Variants in CPQ observed in about 807,000 individuals in gnomAD.
The protein encoded by CPQ is Ser-Met dipeptidase.
Under a neutral mutation model 45.7 loss-of-function variants are expected in CPQ, and 37 were observed. The ratio of observed to expected loss-of-function variants is 0.81; its 90% confidence interval spans 0.62 to 1.07. The LOEUF is 1.07. Ranked by LOEUF, CPQ falls within the 50% of genes least tolerant of loss-of-function variation. CPQ has a pLI of 0.00. For missense variants in CPQ, 537 were observed against 572.9 expected, an observed-to-expected ratio of 0.94 and a Z score of 0.64; for synonymous variants, 186 against 205.8, an observed-to-expected ratio of 0.90 and a Z score of 0.82.
At chr8:96,958,265 G>A (rs959630929) in intron 4 of CPQ, among the ~76,000 whole-genome samples, 1 of 152,118 alleles carries the variant, frequency 6.6e-6, no homozygotes, top group African/African-American at 2.4e-5. Context: ...TTGATTATGG[G>A]AAAGATGATC....
intron 7 of CPQ, among the ~76,000 whole-genome samples, chr8:97,103,964 G>A (rs1811358641): frequency 6.6e-6 from 1 of 152,174 alleles, no homozygotes; most frequent in South Asian, 2.1e-4. Context: ...TACCTCTAGT[G>A]AGAAACACTG....
At chr8:96,858,773 A>G (rs986374542) in intron 3 of CPQ, among the ~76,000 whole-genome samples, 2 of 152,220 alleles carry the variant, frequency 1.3e-5, no homozygotes, top group African/African-American at 4.8e-5. Context: ...AATAATATAG[A>G]TAAATGTTTT....
chr8:96,823,921 C>T (rs1811343855), intron 2 of CPQ, among the ~76,000 whole-genome samples: 1 of 151,886 alleles, frequency 6.6e-6, no homozygotes, highest in Non-Finnish European at 1.5e-5. Context: ...AACTTTTGTT[C>T]TAGGTTAAAC....
chr8:96,867,982 A>T (rs1464752446), intron 3 of CPQ, among the ~76,000 whole-genome samples: 2 of 152,040 alleles, frequency 1.3e-5, no homozygotes, highest in Non-Finnish European at 2.9e-5. Flanking sequence ...AGGGCTGTAC[A>T]TCTCAGTCCC....
intron 2 of CPQ, among the ~76,000 whole-genome samples, chr8:96,805,014 AT>A (rs1811061951): frequency 6.6e-6 from 1 of 152,304 alleles, no homozygotes; most frequent in Admixed American, 6.5e-5. Flanking sequence ...AAGAACATTT[AT>A]TAAGCACCTG....
At chr8:96,855,033 T>C (rs1811828530) in intron 3 of CPQ, among the ~76,000 whole-genome samples, 1 of 152,192 alleles carries the variant, frequency 6.6e-6, no homozygotes, top group Non-Finnish European at 1.5e-5. Context: ...CAAGGCTTGA[T>C]ATCCCAGTTT....
At chr8:96,742,890 TC>T (rs1417382482) in intron 1 of CPQ, among the ~76,000 whole-genome samples, 28 of 152,304 alleles carry the variant, frequency 1.8e-4, no homozygotes, top group Admixed American at 1.6e-3. Flanking sequence ...CCGACCTTTC[TC>T]TCTGGCTGCC....
intron 1 of CPQ, among the ~76,000 whole-genome samples, chr8:96,693,787 G>A (rs1271646342): frequency 6.6e-6 from 1 of 152,090 alleles, no homozygotes; most frequent in Admixed American, 6.6e-5. Context: ...AGGACTCAGT[G>A]GTTATAGTAA....
chr8:96,780,634 T>A (rs952516297), intron 1 of CPQ, among the ~76,000 whole-genome samples: 2 of 152,110 alleles, frequency 1.3e-5, no homozygotes, highest in African/African-American at 2.4e-5. Context: ...ATCAGGTGAA[T>A]ATTTTACACT....
chr8:96,687,543 T>A (rs1176337470), intron 1 of CPQ, among the ~76,000 whole-genome samples: 3 of 152,144 alleles, frequency 2.0e-5, no homozygotes, highest in African/African-American at 7.2e-5. Flanking sequence ...TTTCACTTTT[T>A]ATGTTTATTA....
intron 6 of CPQ, among the ~76,000 whole-genome samples, chr8:97,034,552 T>C (rs1809963383): frequency 6.6e-6 from 1 of 152,246 alleles, no homozygotes; most frequent in South Asian, 2.1e-4. Context: ...CTTGCTGTTT[T>C]ATTGAAGTTT....
chr8:96,848,018 T>C (rs116812921), intron 3 of CPQ, among the ~76,000 whole-genome samples: 3,584 of 151,238 alleles, frequency 0.024, 98 homozygotes, highest in African/African-American at 0.066. Context: ...CTATAAATTA[T>C]CCACCCACTC....
intron 1 of CPQ, among the ~76,000 whole-genome samples, chr8:96,757,787 A>AT (rs1271321189): frequency 2.6e-5 from 4 of 151,868 alleles, no homozygotes; most frequent in Admixed American, 2.6e-4. Flanking sequence ...AGAGTTATCT[A>AT]TTTTTTCTGT....
chr8:96,966,228 G>C (rs1273025720), intron 5 of CPQ, among the ~76,000 whole-genome samples, 182 bp downstream of exon 5: 1 of 152,184 alleles, frequency 6.6e-6, no homozygotes, highest in African/African-American at 2.4e-5. Flanking sequence ...GTGTACGCCA[G>C]ACATCTAAAG....
At chr8:96,886,057 C>G (rs1007264635) in intron 4 of CPQ, among the ~76,000 whole-genome samples, 1 of 152,166 alleles carries the variant, frequency 6.6e-6, no homozygotes, top group African/African-American at 2.4e-5. Flanking sequence ...TAATATATAC[C>G]TAAAATCTAC....
At chr8:96,870,910 A>T (rs893904179) in intron 3 of CPQ, among the ~76,000 whole-genome samples, 1 of 152,032 alleles carries the variant, frequency 6.6e-6, no homozygotes, top group African/African-American at 2.4e-5. Context: ...CTGATGTCTA[A>T]CAGGAAGAAG....
At chr8:96,855,621 G>A (rs184853517) in intron 3 of CPQ, among the ~76,000 whole-genome samples, 62 of 152,298 alleles carry the variant, frequency 4.1e-4, no homozygotes, top group Non-Finnish European at 7.4e-4. Flanking sequence ...TCACGAAAAT[G>A]TATCAGGCCT....
intron 3 of CPQ, among the ~76,000 whole-genome samples, chr8:96,839,320 T>C (rs1387611436): frequency 1.3e-5 from 2 of 152,148 alleles, no homozygotes; most frequent in Non-Finnish European, 2.9e-5. Context: ...ATTGTTATTC[T>C]CTGTGTTGCC....
chr8:97,034,992 A>C (rs1264513894), intron 6 of CPQ, among the ~76,000 whole-genome samples: 1 of 151,390 alleles, frequency 6.6e-6, no homozygotes. Context: ...TCCCGGGTTC[A>C]AGCGATTCTT....
Sources: gnomAD v4.1 joint callset for allele counts (sites outside exome capture counted in the v4.1 genomes callset) on GRCh38, gnomAD v4.1.1 for gene constraint, MANE v1.5 for transcripts, NCBI Gene and HGNC (gene_info 2026-07-23, HGNC 2026-07-21) for gene names.